ZSWIM6: variants seen among roughly 807,000 people sequenced by gnomAD.
ZSWIM6 encodes zinc finger SWIM domain-containing protein 6.
In ZSWIM6, 9 loss-of-function variants were observed where a neutral mutation model predicts 113.2. That is an observed-to-expected ratio of 0.08 (90% CI 0.05 to 0.14). The LOEUF is 0.14. ZSWIM6 is among the 10% of genes least tolerant of loss of function. The pLI is 1.00. For missense variants in ZSWIM6, 1,162 were observed against 1,552.2 expected (o/e 0.75, Z 4.22); for synonymous variants, 611 against 606.5 (o/e 1.01, Z -0.11).
intron 4 of ZSWIM6, among the ~76,000 whole-genome samples, chr5:61,519,819 G>T (rs1267919653): frequency 6.6e-6 from 1 of 152,130 alleles, no homozygotes; most frequent in African/African-American, 2.4e-5. Flanking sequence ...TCCACGGATG[G>T]GGGGTGGGAG....
intron 1 of ZSWIM6, among the ~76,000 whole-genome samples, chr5:61,421,301 C>CT (rs1746351278): frequency 6.6e-6 from 1 of 152,074 alleles, no homozygotes. Context: ...TCTTTCTACT[C>CT]TCTTAATGAG....
Position 61,531,737 on chromosome 5 carries a change from C to G in ZSWIM6, c.2245+12C>G. On this transcript the variant is annotated intron_variant, in intron 9 of 13. Coordinates refer to ENST00000252744, the MANE Select transcript of ZSWIM6 (RefSeq NM_020928.2). ...CTTCCTATTAGAAGGTAGCCTGATA[C>G]AGAAGTTTTCCACTTATTTAGCCAA... is the stretch of plus-strand genomic sequence containing the variant. The G allele has an allele frequency of 5.8e-6, 9 of 1,549,890 alleles. No individual in the cohort carries two copies. Among genetic ancestry groups the G allele is most frequent in the Non-Finnish European group, 7.9e-6 (9 of 1,145,708 alleles).
chr5:61,375,974 C>T, intron 1 of ZSWIM6: 1 of 582,002 alleles, frequency 1.7e-6, no homozygotes, highest in Non-Finnish European at 2.9e-6. Flanking sequence ...AGAATTATTC[C>T]TGGACTATTC....
chr5:61,462,482 A>G (rs1345533994), intron 1 of ZSWIM6, among the ~76,000 whole-genome samples: 1 of 152,254 alleles, frequency 6.6e-6, no homozygotes, highest in African/African-American at 2.4e-5. Flanking sequence ...TTGGAACAAC[A>G]GAAAAAAATG....
intron 1 of ZSWIM6, among the ~76,000 whole-genome samples, chr5:61,342,007 G>A (rs1374357947): frequency 6.6e-6 from 1 of 151,208 alleles, no homozygotes; most frequent in Non-Finnish European, 1.5e-5. Flanking sequence ...AGCCTCCTGA[G>A]TAGCTGGGAT....
At chr5:61,529,774 C>T (rs1276888212) in intron 7 of ZSWIM6, among the ~76,000 whole-genome samples, 1 of 152,068 alleles carries the variant, frequency 6.6e-6, no homozygotes, top group Non-Finnish European at 1.5e-5. Context: ...GACTCAGTAC[C>T]CTAGACACAT....
chr5:61,503,172 CTCTG>C (rs1222440990), intron 4 of ZSWIM6, among the ~76,000 whole-genome samples: 3 of 152,104 alleles, frequency 2.0e-5, no homozygotes, highest in Admixed American at 1.3e-4. Flanking sequence ...AAGAAAAAGA[CTCTG>C]TATAGTAAAA....
intron 1 of ZSWIM6, among the ~76,000 whole-genome samples, chr5:61,344,791 G>T (rs143441812): frequency 3.3e-4 from 51 of 152,322 alleles, no homozygotes; most frequent in Middle Eastern, 3.4e-3. Context: ...GGGTCAGCAC[G>T]TTGTGGGACT....
chr5:61,436,759 T>G (rs1314837765), intron 1 of ZSWIM6, among the ~76,000 whole-genome samples: 4 of 152,210 alleles, frequency 2.6e-5, no homozygotes, highest in Admixed American at 2.6e-4. Flanking sequence ...TGACAAAGTA[T>G]CAGAAAGTAG....
intron 1 of ZSWIM6, among the ~76,000 whole-genome samples, chr5:61,379,142 C>G (rs1561214488): frequency 6.9e-6 from 1 of 145,238 alleles, no homozygotes; most frequent in African/African-American, 2.6e-5. Context: ...TGTGATCATG[C>G]CTCTCTACTC....
At chr5:61,351,888 T>C (rs1050348368) in intron 1 of ZSWIM6, among the ~76,000 whole-genome samples, 5 of 152,186 alleles carry the variant, frequency 3.3e-5, no homozygotes, top group Admixed American at 1.3e-4. Flanking sequence ...ACTTTGTGTA[T>C]GTATAAGAGT....
Position 61,525,010 on chromosome 5 carries a change from C to T in ZSWIM6, c.1514-790C>T, listed in dbSNP as rs151069921. On this transcript the variant is annotated intron_variant, in intron 5 of 13. Transcript: ENST00000252744. ...TTATTCCCCAAACATTTCTTTTCTC[C>T]GTCAGGTCCTGAAACTTGAACCCTC... 9.3e-4 allele frequency among the ~76,000 whole-genome samples: 142 copies of T among 152,214 alleles called. No individual in the cohort carries two copies. In the South Asian group the frequency reaches 0.011, roughly 12 times the overall value.
chr5:61,391,765 T>C, intron 1 of ZSWIM6: 1 of 1,051,362 alleles, frequency 9.5e-7, no homozygotes, highest in Non-Finnish European at 1.5e-6. Context: ...CTTGGAAGGG[T>C]CATCCTTAGG....
In ZSWIM6 at chr5:61,332,294, C is replaced by A. The variant is rs1483067522; in HGVS notation, c.22C>A (p.Pro8Thr). The change falls in exon 1 of 14, where the codon CCT (proline) becomes ACT (threonine). Residue 8 changes from proline to threonine, a missense_variant. Transcript: ENST00000252744. MAERGQQPPPAKRLCCRP... is the reference protein window; with the variant it reads MAERGQQTPPAKRLCCRP... ...GGTCATGGCGGAGCGCGGACAGCAG[C>A]CTCCTCCCGCGAAACGGCTTTGCTG... 1 of 1,167,476 alleles carries A rather than the reference C, an allele frequency of 8.6e-7. No homozygotes were observed. Among genetic ancestry groups the A allele is most frequent in the Non-Finnish European group, 1.1e-6 (1 of 946,126 alleles). The allele number at this position is 1,167,476 out of a possible 1,614,324, so 72.3% of individuals were successfully genotyped here. A position where few individuals can be genotyped will look rare whatever the true frequency, so the allele number is the denominator to read the frequency against.
chr5:61,447,765 C>T (rs1746995868), intron 1 of ZSWIM6, among the ~76,000 whole-genome samples: 1 of 152,110 alleles, frequency 6.6e-6, no homozygotes, highest in Non-Finnish European at 1.5e-5. Flanking sequence ...GCACAGAAAG[C>T]CAATCACTGA....
chr5:61,488,645 A>G (rs1257459884), intron 2 of ZSWIM6, among the ~76,000 whole-genome samples: 2 of 151,924 alleles, frequency 1.3e-5, no homozygotes, highest in Non-Finnish European at 2.9e-5. Context: ...CTGTGATATC[A>G]ATTTTAATGT....
rs1473843017 is a variant in ZSWIM6, at chr5:61,413,381, C to T, written c.677-59300C>T. 2.0e-5 allele frequency among the ~76,000 whole-genome samples: 3 copies of T among 151,914 alleles called. No homozygotes were observed. In the East Asian group the frequency reaches 5.8e-4, roughly 29 times the overall value. On this transcript the variant is annotated intron_variant, in intron 1 of 13. Coordinates refer to ENST00000252744, the MANE Select transcript of ZSWIM6 (RefSeq NM_020928.2). ...CATTTTTTATGGCTGCATAGTATTC[C>T]ATGGTGTATATGTGCCACATTTTCT...
chr5:61,470,304 G>A (rs553192835), intron 1 of ZSWIM6, among the ~76,000 whole-genome samples: 94 of 152,250 alleles, frequency 6.2e-4, no homozygotes, highest in African/African-American at 2.2e-3. Flanking sequence ...CGGTTTCCCC[G>A]TGCAAGTACA....
At chr5:61,477,381 C>T (rs957854032) in intron 2 of ZSWIM6, among the ~76,000 whole-genome samples, 8 of 152,226 alleles carry the variant, frequency 5.3e-5, no homozygotes, top group Admixed American at 5.2e-4. Context: ...CATTTATTCA[C>T]ATATTGGATG....
Sources: allele counts gnomAD v4.1 joint callset (sites outside exome capture counted in the v4.1 genomes callset), GRCh38; gene constraint gnomAD v4.1.1; transcripts MANE v1.5; gene names NCBI Gene and HGNC (gene_info 2026-07-23, HGNC 2026-07-21).